BAIAP2L1: variants seen among roughly 807,000 people sequenced by gnomAD.
The protein encoded by BAIAP2L1 is BAR/IMD domain containing adaptor protein 2 like 1.
A neutral mutation model predicts 66.3 loss-of-function variants in BAIAP2L1; 35 were observed. That is an observed-to-expected ratio of 0.53 (90% CI 0.40 to 0.70). BAIAP2L1 has a LOEUF of 0.70. Ranked by LOEUF, BAIAP2L1 falls within the 30% of genes least tolerant of loss-of-function variation. BAIAP2L1 has a pLI of 0.00. For synonymous variants in BAIAP2L1, 269 were observed against 248.7 expected (o/e 1.08, Z -0.77); for missense variants, 622 against 656.9 (o/e 0.95, Z 0.58).
chr7:98,327,831 G>A (rs1412763921), intron 3 of BAIAP2L1, among the ~76,000 whole-genome samples: 1 of 152,102 alleles, frequency 6.6e-6, no homozygotes, highest in African/African-American at 2.4e-5. Flanking sequence ...ATCCACCTCC[G>A]GCGGTTAATC....
At chr7:98,352,351 C>T (rs758001610) in intron 3 of BAIAP2L1, among the ~76,000 whole-genome samples, 61 of 152,232 alleles carry the variant, frequency 4.0e-4, no homozygotes, top group South Asian at 1.0e-3. Context: ...AAAATACATA[C>T]GCACAAGTGG....
rs1802089689 is a variant in BAIAP2L1, at chr7:98,355,086, T to C, written c.170A>G (p.Lys57Arg). Residue 57 changes from lysine to arginine, a missense_variant, in exon 3 of 14, where the codon AAG (lysine) becomes AGG (arginine). Lys to Arg is a conservative substitution (Grantham distance 26). Coordinates refer to ENST00000005260, the MANE Select transcript of BAIAP2L1 (RefSeq NM_018842.5). ...AGKAYYDGVA[K>R]IGEIATGSPV... ...GGACCCAGTGGCAATCTCACCGATC[T>C]TGGCCACTCCATCGTAGTAGGCTTT... 1.9e-6 allele frequency: 3 copies of C among 1,614,070 alleles called. No homozygotes were observed. Among genetic ancestry groups the C allele is most frequent in the Non-Finnish European group, 2.5e-6 (3 of 1,179,934 alleles).
intron 1 of BAIAP2L1, among the ~76,000 whole-genome samples, chr7:98,393,112 TACAC>T (rs1322363075): frequency 1.2e-5 from 1 of 82,768 alleles, no homozygotes; most frequent in Non-Finnish European, 2.7e-5. Flanking sequence ...TACATATATG[TACAC>T]ATATATGTAT....
chr7:98,349,446 T>A (rs1801951982), intron 3 of BAIAP2L1, among the ~76,000 whole-genome samples: 1 of 152,152 alleles, frequency 6.6e-6, no homozygotes, highest in African/African-American at 2.4e-5. Flanking sequence ...TCCACTATCC[T>A]TACCCCGTAA....
chr7:98,340,454 A>T (rs1018685489), intron 3 of BAIAP2L1, among the ~76,000 whole-genome samples: 2 of 151,754 alleles, frequency 1.3e-5, no homozygotes, highest in South Asian at 2.1e-4. Context: ...CTCCCGGCTA[A>T]TTTTTTGTAT....
intron 12 of BAIAP2L1, among the ~76,000 whole-genome samples, chr7:98,303,454 G>A (rs1014834798): frequency 6.6e-6 from 1 of 152,192 alleles, no homozygotes; most frequent in Non-Finnish European, 1.5e-5. Flanking sequence ...GTCCAGCCGC[G>A]CTGCTCCCCA....
At position 98,354,413 on chromosome 7, in the gene BAIAP2L1, C is replaced by T. The variant is rs74630920; in HGVS notation, c.214+629G>A. Among the ~76,000 whole-genome samples the T allele has an allele frequency of 4.6e-3, 701 of 152,266 alleles. 11 individuals carry two copies. The highest frequency in any genetic ancestry group is 0.016 in the African/African-American group (662 of 41,560). On this transcript the variant is annotated intron_variant, in intron 3 of 13. Coordinates refer to ENST00000005260, the MANE Select transcript of BAIAP2L1 (RefSeq NM_018842.5). ...TAAGCCAGAAATTTTACCCTTTGTA[C>T]AATAAAACATATTCAACAAGTTTTT... is the stretch of plus-strand genomic sequence containing the variant.
At chr7:98,383,516 A>T (rs1008183758) in intron 1 of BAIAP2L1, among the ~76,000 whole-genome samples, 1 of 151,770 alleles carries the variant, frequency 6.6e-6, no homozygotes, top group African/African-American at 2.4e-5. Context: ...CGAACTCCAG[A>T]CCTCAGGTGA....
intron 1 of BAIAP2L1, among the ~76,000 whole-genome samples, chr7:98,389,218 C>T (rs766791457): frequency 2.8e-4 from 43 of 152,166 alleles, no homozygotes; most frequent in Non-Finnish European, 4.4e-4. Context: ...CCTCCTAACT[C>T]AGCATGGGGC....
intron 11 of BAIAP2L1, 31 bp downstream of exon 11, chr7:98,306,408 A>T (rs1562966774): frequency 1.2e-6 from 2 of 1,612,762 alleles, no homozygotes; most frequent in Non-Finnish European, 1.7e-6. Context: ...GGTTTCTGTC[A>T]CCGGGAGAGC....
chr7:98,357,014 A>AC lies in BAIAP2L1; in HGVS notation c.128-1887_128-1886insG. Among the ~76,000 whole-genome samples, 23 of 30,110 alleles carry AC rather than the reference A, an allele frequency of 7.6e-4. No individual in the cohort carries two copies. In the South Asian group the frequency reaches 8.2e-3, roughly 11 times the overall value. The allele number at this position is 30,110 out of a possible 152,430, so 19.8% of individuals were successfully genotyped here. On this transcript the variant is annotated intron_variant, in intron 2 of 13. Transcript: ENST00000005260. ...TGTCTCAAAAAAAAAAAAAAAAAAA[A>AC]AAAAAAATATATATATATATATATA...
chr7:98,371,929 A>G (rs71563562), intron 1 of BAIAP2L1, among the ~76,000 whole-genome samples: 58,127 of 151,174 alleles, frequency 0.38, 12,525 homozygotes, highest in Middle Eastern at 0.54. Context: ...CGAGTAGCTG[A>G]GACTACAGAT....
At chr7:98,293,680 C>T (rs1417335507) in intron 13 of BAIAP2L1, 84 bp from the exon 14 acceptor site, 1 of 1,369,724 alleles carries the variant, frequency 7.3e-7, no homozygotes, top group African/African-American at 1.4e-5. Context: ...CCGTTCTTGC[C>T]CTGTGAGACT....
intron 12 of BAIAP2L1, among the ~76,000 whole-genome samples, chr7:98,294,502 G>A (rs931102885): frequency 2.0e-5 from 3 of 152,202 alleles, no homozygotes; most frequent in African/African-American, 7.2e-5. Flanking sequence ...CACCCGTGAT[G>A]TCGGGAGCTC....
At chr7:98,378,104 G>A (rs1315896380) in intron 1 of BAIAP2L1, among the ~76,000 whole-genome samples, 1 of 150,938 alleles carries the variant, frequency 6.6e-6, no homozygotes, top group Non-Finnish European at 1.5e-5. Flanking sequence ...AGCTGGGATT[G>A]TGCCATTGCA....
intron 3 of BAIAP2L1, among the ~76,000 whole-genome samples, chr7:98,354,652 G>T (rs940626633): frequency 6.6e-6 from 1 of 152,184 alleles, no homozygotes; most frequent in African/African-American, 2.4e-5. Context: ...AGGGCCAAGA[G>T]AGCAATGTAA....
intron 1 of BAIAP2L1, among the ~76,000 whole-genome samples, chr7:98,383,433 G>A (rs1300062491): frequency 6.6e-6 from 1 of 151,860 alleles, no homozygotes; most frequent in African/African-American, 2.4e-5. Context: ...CCAGGCATGC[G>A]CCACCACGCT....
Position 98,293,240 on chromosome 7 carries a change from C to A in BAIAP2L1, c.*281G>T, listed in dbSNP as rs1800044398. ...AAGGAAAAAATTCATTTAAAAAATA[C>A]AGTAAAGATTGAAACCAAGTTTACT... On this transcript the variant is annotated 3_prime_UTR_variant, in exon 14 of 14. Transcript: ENST00000005260. 1.1e-5 allele frequency: 4 copies of A among 356,616 alleles called. No homozygotes were observed. The highest frequency in any genetic ancestry group is 6.6e-5 in the South Asian group (1 of 15,088). 22.1% of individuals were successfully genotyped at this position (356,616 alleles called of 1,614,324 possible). A position where few individuals can be genotyped will look rare whatever the true frequency, so the allele number is the denominator to read the frequency against.
At chr7:98,354,136 T>C (rs1206538495) in intron 3 of BAIAP2L1, among the ~76,000 whole-genome samples, 3 of 152,088 alleles carry the variant, frequency 2.0e-5, no homozygotes, top group Non-Finnish European at 4.4e-5. Flanking sequence ...AGATCGCCTC[T>C]GCACCCAACA....
Sources: allele counts gnomAD v4.1 joint callset (sites outside exome capture counted in the v4.1 genomes callset), GRCh38; gene constraint gnomAD v4.1.1; transcripts MANE v1.5; gene names NCBI Gene and HGNC (gene_info 2026-07-23, HGNC 2026-07-21).